The following ZCCHC8 variants were observed in gnomAD, a reference collection of about 807,000 sequenced individuals.
ZCCHC8 encodes zinc finger CCHC domain-containing protein 8.
Under a neutral mutation model 70.6 loss-of-function variants are expected in ZCCHC8, and 27 were observed. That is an observed-to-expected ratio of 0.38 (90% CI 0.28 to 0.53). ZCCHC8 has a LOEUF of 0.53. ZCCHC8 is among the 20% of genes least tolerant of loss of function. ZCCHC8 has a pLI of 0.81. For synonymous variants in ZCCHC8, 293 were observed against 317.4 expected, an observed-to-expected ratio of 0.92 and a Z score of 0.82; for missense variants, 737 against 876.9, an observed-to-expected ratio of 0.84 and a Z score of 2.01.
chr12:122,493,888 C>G (rs1453842190), intron 2 of ZCCHC8, among the ~76,000 whole-genome samples: 1 of 152,048 alleles, frequency 6.6e-6, no homozygotes, highest in Non-Finnish European at 1.5e-5. Flanking sequence ...GCTGGGATTA[C>G]AGGCGTGAGC....
intron 13 of ZCCHC8, among the ~76,000 whole-genome samples, chr12:122,474,772 C>G (rs1362787970): frequency 8.2e-6 from 1 of 121,900 alleles, no homozygotes; most frequent in Non-Finnish European, 1.9e-5. Flanking sequence ...TCTTACTCTG[C>G]CACCCAGGCT....
rs529964408 is a variant in ZCCHC8, at chr12:122,474,674, A to G, written c.1346-399T>C. Among the ~76,000 whole-genome samples the G allele has an allele frequency of 2.0e-5, 3 of 151,534 alleles. No homozygotes were observed. The East Asian group carries it at 5.8e-4, about 29-fold the overall frequency. ...GCAGGCTGGTTACTGAGTGGGTGGA[A>G]GGCTAATGGGGAGGAAGTGAGGGGC... On this transcript the variant is annotated intron_variant, in intron 13 of 13. Transcript: ENST00000633063.
rs900876792 is a variant in ZCCHC8 at position 122,473,997 on chromosome 12, C to T, written c.1624G>A (p.Asp542Asn). ...GTTAAAGGTGTGTCCACAGGAACGT[C>T]GGAGTCGCTGTTTACGCTCTCGGCC... ...EQAESVNSDS[D>N]VPVDTPLTGN... is the part of the protein sequence containing the mutation. Residue 542 changes from aspartate (D) to asparagine (N), a missense_variant, in exon 14 of 14, where the codon GAC becomes AAC. Coordinates refer to ENST00000633063, the MANE Select transcript of ZCCHC8 (RefSeq NM_017612.5). The T allele has an allele frequency of 7.0e-6, 11 of 1,575,856 alleles. No individual in the cohort carries two copies. Among genetic ancestry groups the T allele is most frequent in the South Asian group, 2.4e-5 (2 of 84,760 alleles).
rs1957545190 is a variant in ZCCHC8, at chr12:122,482,045, T to C, written c.775A>G (p.Met259Val). Residue 259 changes from methionine to valine, a missense_variant, in exon 9 of 14, where the codon ATG becomes GTG. Physicochemically the swap from Met to Val is conservative, Grantham distance 21 (BLOSUM62 1). Coordinates refer to ENST00000633063, the MANE Select transcript of ZCCHC8 (RefSeq NM_017612.5). The part of the protein sequence containing the change: ...ARISEKRKEY[M>V]DACGEANNQN... ...TTGTTTGCTTCTCCACAGGCATCCATATACTCTTTTCTCTTTTCACTTATT... is the reference window on the plus strand; with the variant it reads ...TTGTTTGCTTCTCCACAGGCATCCACATACTCTTTTCTCTTTTCACTTATT... 3 of 1,612,296 alleles carry C rather than the reference T, an allele frequency of 1.9e-6. No individual in the cohort carries two copies. The highest frequency in any genetic ancestry group is 2.5e-6 in the Non-Finnish European group (3 of 1,179,384).
intron 13 of ZCCHC8, 80 bp from the exon 14 acceptor site, chr12:122,474,355 T>C (rs1957375463): frequency 1.6e-6 from 2 of 1,274,344 alleles, no homozygotes; most frequent in African/African-American, 3.1e-5. Context: ...TGAACTCAGG[T>C]GTATCCAGTA....
At chr12:122,496,587 C>A (rs565054683) in intron 2 of ZCCHC8, among the ~76,000 whole-genome samples, 1 of 152,132 alleles carries the variant, frequency 6.6e-6, no homozygotes, top group Admixed American at 6.5e-5. Context: ...ATATTGAATA[C>A]CTAATCAAAA....
intron 13 of ZCCHC8, 95 bp downstream of exon 13, chr12:122,477,746 C>T (rs1256357352): frequency 2.0e-5 from 19 of 933,002 alleles, no homozygotes; most frequent in African/African-American, 8.3e-5. Flanking sequence ...GCCGAGATCA[C>T]GCCATTGTAC....
chr12:122,492,574 T>C (rs1957766312), intron 3 of ZCCHC8, 141 bp downstream of exon 3: 1 of 634,688 alleles, frequency 1.6e-6, no homozygotes, highest in East Asian at 2.9e-5. Flanking sequence ...CTCTTAATCA[T>C]GATTCCTTGT....
rs1044413400 is a variant in ZCCHC8 at position 122,473,931 on chromosome 12, C to T, written c.1690G>A (p.Asp564Asn). 6.2e-7 allele frequency: 1 copy of T among 1,613,190 alleles called. No homozygotes were observed. The highest frequency in any genetic ancestry group is 1.1e-5 in the South Asian group (1 of 90,976). ...VASSPCPNEL[D>N]LPVPEGKTSE... The stretch of plus-strand genomic sequence containing the variant: ...GTTTTTCCCTCCGGGACAGGGAGGT[C>T]TAGCTCATTTGGACAAGGTGATGAG... The change falls in exon 14 of 14, where the codon GAC becomes AAC. Residue 564 changes from aspartate to asparagine, a missense_variant. Transcript: ENST00000633063.
rs1486264310 is a variant in ZCCHC8 at position 122,500,697 on chromosome 12, C to T, written c.144G>A (p.Glu48=). ...CGCACTGCCGAAGCCGCTCCCGTAG[C>T]TCCGCGTCGCCGACCCCATTTTCGT... The part of the protein sequence containing the change: ...EEDENGVGDA[E]LRERLRQCEE... The change falls in exon 1 of 14, where the codon GAG becomes GAA. Residue 48 remains glutamate (E), a synonymous_variant. Coordinates refer to ENST00000633063, the MANE Select transcript of ZCCHC8 (RefSeq NM_017612.5). This position sits in a 1 kb window ranked among gnomAD's most constrained non-coding sequence, Gnocchi z 4.8. 8.2e-6 allele frequency: 13 copies of T among 1,581,580 alleles called. No individual in the cohort carries two copies. The highest frequency in any genetic ancestry group is 1.1e-5 in the Non-Finnish European group (13 of 1,164,442).
Position 122,474,182 on chromosome 12 carries a change from G to A in ZCCHC8, c.1439C>T (p.Pro480Leu). The A allele has an allele frequency of 6.6e-7, 1 of 1,515,868 alleles. No individual in the cohort carries two copies. Among genetic ancestry groups the A allele is most frequent in the Non-Finnish European group, 8.8e-7 (1 of 1,140,880 alleles). The allele number at this position is 1,515,868 out of a possible 1,614,324, so 93.9% of individuals were successfully genotyped here. A position where few individuals can be genotyped will look rare whatever the true frequency, so the allele number is the denominator to read the frequency against. Residue 480 changes from proline to leucine, a missense_variant, in exon 14 of 14, where the codon CCT (proline) becomes CTT (leucine). Pro to Leu is a moderately conservative substitution (Grantham distance 98, BLOSUM62 -3). Coordinates refer to ENST00000633063, the MANE Select transcript of ZCCHC8 (RefSeq NM_017612.5). ...PDTPPLPRGT[P>L]PPVFTPPLPK... ...GAGTGGAGGGGTGAAGACGGGTGGAGGAGTTCCCCGGGGGAGTGGAGGAGT... is the reference window on the plus strand; with the variant it reads ...GAGTGGAGGGGTGAAGACGGGTGGAAGAGTTCCCCGGGGGAGTGGAGGAGT...
chr12:122,490,566 G>T lies in ZCCHC8; in HGVS notation c.319C>A (p.Gln107Lys). Residue 107 changes from glutamine (Q) to lysine (K), a missense_variant and splice_region_variant, in exon 4 of 14, where the codon CAA becomes AAA. Gln to Lys is a moderately conservative substitution (Grantham distance 53). Transcript: ENST00000633063. Reference protein sequence around the residue: ...ILFMNNAISKQYHQEIEEFVS... With the variant: ...ILFMNNAISKKYHQEIEEFVS... Reference sequence around the variant, plus strand: ...AATTCCTCTATTTCTTGATGATATTGCCTGTGTAAGAGGACAAAATGGTCA... The same window carrying T: ...AATTCCTCTATTTCTTGATGATATTTCCTGTGTAAGAGGACAAAATGGTCA... 6.3e-7 allele frequency: 1 copy of T among 1,596,434 alleles called. No individual in the cohort carries two copies.
chr12:122,482,954 A>C (rs1957565512), intron 7 of ZCCHC8: 1 of 519,904 alleles, frequency 1.9e-6, no homozygotes. Context: ...AGTGGTTAAC[A>C]ACGAAGAATC....
In ZCCHC8 at chr12:122,483,602, G is replaced by GA. The variant is rs11354559; in HGVS notation, c.502-40dup. 2 of 1,388,342 alleles carry GA rather than the reference G, an allele frequency of 1.4e-6. No individual in the cohort carries two copies. Among genetic ancestry groups the GA allele is most frequent in the Non-Finnish European group, 2.0e-6 (2 of 1,007,006 alleles). 86.0% of individuals were successfully genotyped at this position (1,388,342 alleles called of 1,614,324 possible). A position where few individuals can be genotyped will look rare whatever the true frequency, so the allele number is the denominator to read the frequency against. On this transcript the variant is annotated intron_variant, in intron 5 of 13. Coordinates refer to ENST00000633063, the MANE Select transcript of ZCCHC8 (RefSeq NM_017612.5). The surrounding 1 kb of genome is among the most constrained non-coding windows in gnomAD (Gnocchi z 4.4). ...GTCAAAAAATATTGCTATTTAAGCA[G>GA]AAAAAAAGACATTAAATAATGTAAG...
At chr12:122,494,809 T>G (rs1957802478) in intron 2 of ZCCHC8, among the ~76,000 whole-genome samples, 1 of 152,144 alleles carries the variant, frequency 6.6e-6, no homozygotes, top group South Asian at 2.1e-4. Context: ...GAGCTGAGAT[T>G]GCACCACTGC....
In ZCCHC8 at chr12:122,500,757, G is replaced by A; in HGVS notation, c.84C>T (p.His28=). 6.3e-7 allele frequency: 1 copy of A among 1,589,310 alleles called. No homozygotes were observed. The highest frequency in any genetic ancestry group is 8.6e-7 in the Non-Finnish European group (1 of 1,168,270). ...CGCCGTCGTCGTCCTTGAAGCGAGT[G>A]TGAACGGGCTTCGGAATCGACTCCT... ...HPEESIPKPV[H]TRFKDDDGDE... is the part of the protein sequence containing the mutation. The change falls in exon 1 of 14, where the codon CAC becomes CAT. Residue 28 remains histidine (H), a synonymous_variant. Transcript: ENST00000633063. The surrounding 1 kb of genome is among the most constrained non-coding windows in gnomAD (Gnocchi z 4.8).
rs966338370 is a variant in ZCCHC8 at position 122,472,145 on chromosome 12, C to G, written c.*1352G>C. On this transcript the variant is annotated 3_prime_UTR_variant, in exon 14 of 14. Transcript: ENST00000633063. ...TTAAGGCTGAAATCCACTGAAAACA[C>G]CCAAACTTGCAATTCCTATCATTAT... 3 of 151,994 alleles carry G rather than the reference C, an allele frequency of 2.0e-5. No individual in the cohort carries two copies. Among genetic ancestry groups the G allele is most frequent in the African/African-American group, 7.3e-5 (3 of 41,376 alleles). The allele number at this position is 151,994 out of a possible 1,614,324, so 9.4% of individuals were successfully genotyped here.
intron 7 of ZCCHC8, 67 bp from the exon 8 acceptor site, chr12:122,482,762 C>A: frequency 7.3e-7 from 1 of 1,365,968 alleles, no homozygotes; most frequent in South Asian, 1.3e-5. Context: ...CAATAAAATT[C>A]TATATGACAG....
chr12:122,487,882 T>C (rs778709370), intron 5 of ZCCHC8, among the ~76,000 whole-genome samples: 1 of 152,078 alleles, frequency 6.6e-6, no homozygotes, highest in Non-Finnish European at 1.5e-5. Context: ...TTTTGTTTGT[T>C]TGTTTGTTTT....
Sources: allele counts gnomAD v4.1 joint callset (sites outside exome capture counted in the v4.1 genomes callset), GRCh38; gene constraint gnomAD v4.1.1; non-coding constraint Gnocchi (gnomAD v3.1); transcripts MANE v1.5; gene names NCBI Gene and HGNC (gene_info 2026-07-23, HGNC 2026-07-21).